The following PRKG1 variants were observed in gnomAD, a reference collection of about 807,000 sequenced individuals.
PRKG1 encodes the protein cGMP-dependent protein kinase 1.
PRKG1 carries 35 observed loss-of-function variants against 88.1 expected under a neutral mutation model. The ratio of observed to expected loss-of-function variants is 0.40; its 90% CI spans 0.30 to 0.53. PRKG1 has a LOEUF of 0.53. Among genes scored for constraint, PRKG1 ranks in the 20% least tolerant of loss-of-function variants. The pLI is 0.59. For synonymous variants in PRKG1, 303 were observed against 292.5 expected, an observed-to-expected ratio of 1.04 and a Z score of -0.37; for missense variants, 540 against 839.8, an observed-to-expected ratio of 0.64 and a Z score of 4.41.
At chr10:51,100,570 G>T (rs1382512713) in intron 1 of PRKG1, among the ~76,000 whole-genome samples, 1 of 152,150 alleles carries the variant, frequency 6.6e-6, no homozygotes, top group East Asian at 1.9e-4. Context: ...AGCTGTGACT[G>T]CCAATAAGCA....
chr10:51,118,111 T>C (rs2131909841), intron 1 of PRKG1, among the ~76,000 whole-genome samples: 1 of 152,236 alleles, frequency 6.6e-6, no homozygotes, highest in Non-Finnish European at 1.5e-5. Flanking sequence ...TGAGAGTCTT[T>C]GAGGTTCTAA....
At chr10:51,764,800 G>T (rs1000211483) in intron 3 of PRKG1, among the ~76,000 whole-genome samples, 1 of 152,148 alleles carries the variant, frequency 6.6e-6, no homozygotes, top group African/African-American at 2.4e-5. Context: ...TTATGAAGTG[G>T]AACCTTTGGG....
chr10:51,775,509 G>A (rs1490774534), intron 3 of PRKG1, among the ~76,000 whole-genome samples: 2 of 152,014 alleles, frequency 1.3e-5, no homozygotes, highest in African/African-American at 4.8e-5. Flanking sequence ...CTGAGTAGAT[G>A]ATTTTGTGAA....
At chr10:52,224,592 C>T (rs1228785272) in intron 9 of PRKG1, among the ~76,000 whole-genome samples, 2 of 84,614 alleles carry the variant, frequency 2.4e-5, no homozygotes, top group African/African-American at 7.8e-5. Context: ...TATCCTTCGC[C>T]CCACCTCCGA....
chr10:51,410,873 ATT>A (rs1200984027), intron 2 of PRKG1, among the ~76,000 whole-genome samples: 1 of 151,702 alleles, frequency 6.6e-6, no homozygotes, highest in African/African-American at 2.4e-5. Context: ...ATTGAAATAT[ATT>A]TTATATTTAT....
Position 51,945,695 on chromosome 10 carries a change from T to A in PRKG1, c.762+38125T>A, listed in dbSNP as rs1180903962. Among the ~76,000 whole-genome samples, 412 of 150,158 alleles carry A rather than the reference T, an allele frequency of 2.7e-3. 4 individuals carry two copies. Among genetic ancestry groups the A allele is most frequent in the Middle Eastern group, 6.8e-3 (2 of 292 alleles). On this transcript the variant is annotated intron_variant, in intron 5 of 17. Transcript: ENST00000373980. ...GCATTTGCTTGTCTGTAAAGGATTT[T>A]ATTTCTCCTTCACTTATGAAGCTTA... is the stretch of plus-strand genomic sequence containing the variant.
At chr10:51,901,266 C>A (rs1841973110) in intron 4 of PRKG1, among the ~76,000 whole-genome samples, 1 of 152,178 alleles carries the variant, frequency 6.6e-6, no homozygotes, top group African/African-American at 2.4e-5. Flanking sequence ...ATGATAATTT[C>A]TTTAATGATT....
chr10:51,049,818 T>G (rs566266875), intron 1 of PRKG1, among the ~76,000 whole-genome samples: 1 of 152,328 alleles, frequency 6.6e-6, no homozygotes, highest in Non-Finnish European at 1.5e-5. Flanking sequence ...ATTTAAGGTT[T>G]TATTTTGTAA....
At chr10:51,157,690 T>C (rs887066769) in intron 2 of PRKG1, among the ~76,000 whole-genome samples, 1 of 151,954 alleles carries the variant, frequency 6.6e-6, no homozygotes, top group Non-Finnish European at 1.5e-5. Context: ...TATTTTGTGA[T>C]GTTTCATGGT....
intron 1 of PRKG1, among the ~76,000 whole-genome samples, chr10:51,083,136 A>G (rs373586936): frequency 2.8e-4 from 42 of 151,990 alleles, no homozygotes; most frequent in Non-Finnish European, 4.9e-4. Context: ...CAGCTCCCCA[A>G]TCTCCCTAGC....
At chr10:51,183,658 C>T (rs1837409578) in intron 2 of PRKG1, among the ~76,000 whole-genome samples, 1 of 152,174 alleles carries the variant, frequency 6.6e-6, no homozygotes, top group South Asian at 2.1e-4. Flanking sequence ...GGGACACTGA[C>T]ATTCCATTGC....
At chr10:51,504,315 G>C (rs962158521) in intron 3 of PRKG1, among the ~76,000 whole-genome samples, 3 of 152,134 alleles carry the variant, frequency 2.0e-5, no homozygotes, top group Non-Finnish European at 4.4e-5. Flanking sequence ...GCTCTGTTCT[G>C]TTCCATTGGT....
chr10:51,012,019 CTT>C (rs1379354464), intron 1 of PRKG1, among the ~76,000 whole-genome samples: 2 of 152,182 alleles, frequency 1.3e-5, no homozygotes, highest in Non-Finnish European at 2.9e-5. Context: ...TCTCATGAGA[CTT>C]ATTCACTATC....
rs199890606 is a variant in PRKG1 at position 52,040,229 on chromosome 10, CTG to C, written c.763-14252_763-14251del. ...TTTTTGCTATAGGGTTCATGAGAAA[CTG>C]TGATCAACCTGCTCTTTTTCTTTTT... is the stretch of plus-strand genomic sequence containing the variant. On this transcript the variant is annotated intron_variant, in intron 5 of 17. Coordinates refer to ENST00000373980, the MANE Select transcript of PRKG1 (RefSeq NM_006258.4). 4.2e-3 allele frequency among the ~76,000 whole-genome samples: 645 copies of C among 152,286 alleles called. 1 individual carries two copies. Among genetic ancestry groups the C allele is most frequent in the African/African-American group, 0.015 (617 of 41,566 alleles).
chr10:51,827,245 A>G (rs1041611827), intron 4 of PRKG1, among the ~76,000 whole-genome samples: 3 of 152,208 alleles, frequency 2.0e-5, no homozygotes, highest in South Asian at 2.1e-4. Context: ...AGATTATCAT[A>G]CAAATAAATA....
chr10:51,749,682 T>A (rs1482777005), intron 3 of PRKG1, among the ~76,000 whole-genome samples: 1 of 152,192 alleles, frequency 6.6e-6, no homozygotes, highest in Non-Finnish European at 1.5e-5. Flanking sequence ...TATTCTATAG[T>A]CTTAAAACTG....
At chr10:51,642,208 G>A (rs965512901) in intron 3 of PRKG1, among the ~76,000 whole-genome samples, 1 of 152,036 alleles carries the variant, frequency 6.6e-6, no homozygotes, top group African/African-American at 2.4e-5. Flanking sequence ...TGACCAACAT[G>A]GTGAAACTCC....
chr10:51,384,799 A>C (rs1837208831), intron 2 of PRKG1, among the ~76,000 whole-genome samples: 1 of 152,126 alleles, frequency 6.6e-6, no homozygotes, highest in Non-Finnish European at 1.5e-5. Context: ...ATTTCCATGG[A>C]ATTCCCCGTA....
At chr10:51,436,345 C>T (rs761402027) in intron 2 of PRKG1, among the ~76,000 whole-genome samples, 8 of 151,900 alleles carry the variant, frequency 5.3e-5, no homozygotes, top group Non-Finnish European at 1.0e-4. Flanking sequence ...CAGACATAGA[C>T]GTCTCCCAAT....
Sources: allele counts gnomAD v4.1 joint callset (sites outside exome capture counted in the v4.1 genomes callset), GRCh38; gene constraint gnomAD v4.1.1; transcripts MANE v1.5; gene names NCBI Gene and HGNC (gene_info 2026-07-23, HGNC 2026-07-21).